The following NKAIN1 variants were observed in gnomAD, a reference collection of about 807,000 sequenced individuals.
NKAIN1 encodes the protein sodium/potassium-transporting ATPase subunit beta-1-interacting protein 1.
A neutral mutation model predicts 31.6 loss-of-function variants in NKAIN1; 13 were observed. The ratio of observed to expected loss-of-function variants is 0.41; its 90% CI spans 0.27 to 0.65. The LOEUF is 0.65. NKAIN1 is among the 30% of genes least tolerant of loss of function. The probability of loss-of-function intolerance (pLI) is 0.30; values close to 1 mark genes in which losing one functional copy is unlikely to be tolerated. For missense variants in NKAIN1, 193 were observed against 262.2 expected (o/e 0.74, Z 1.82); for synonymous variants, 104 against 109.0 (o/e 0.95, Z 0.28).
chr1:31,228,229 G>C (rs1162230187), intron 1 of NKAIN1, among the ~76,000 whole-genome samples: 1 of 152,132 alleles, frequency 6.6e-6, no homozygotes, highest in Non-Finnish European at 1.5e-5. Context: ...GTTCAGGCTG[G>C]GGCTGTGGAA....
At chr1:31,236,127 G>T (rs1645690692) in intron 1 of NKAIN1, among the ~76,000 whole-genome samples, 1 of 152,122 alleles carries the variant, frequency 6.6e-6, no homozygotes, top group African/African-American at 2.4e-5. Flanking sequence ...GTGGCTCAGA[G>T]ACGGTAAGCA....
intron 1 of NKAIN1, among the ~76,000 whole-genome samples, chr1:31,193,135 C>T (rs1645299361): frequency 6.6e-6 from 1 of 150,876 alleles, no homozygotes; most frequent in African/African-American, 2.4e-5. Context: ...GTGGCGTGAT[C>T]TCGGCTCACT....
chr1:31,200,455 TC>T (rs1645371211), intron 1 of NKAIN1, among the ~76,000 whole-genome samples: 1 of 103,298 alleles, frequency 9.7e-6, no homozygotes, highest in African/African-American at 3.1e-5. Flanking sequence ...AAGTCTCCTC[TC>T]TCTTTTTTTT....
intron 1 of NKAIN1, among the ~76,000 whole-genome samples, chr1:31,230,628 G>A (rs917596107): frequency 6.6e-6 from 1 of 152,216 alleles, no homozygotes; most frequent in African/African-American, 2.4e-5. Flanking sequence ...GGCAGGGAAA[G>A]CCAGGCAAAG....
intron 5 of NKAIN1, among the ~76,000 whole-genome samples, chr1:31,182,198 T>C (rs1645207797): frequency 6.6e-6 from 1 of 151,672 alleles, no homozygotes; most frequent in Non-Finnish European, 1.5e-5. Flanking sequence ...CCCCAGTCCT[T>C]AAGGCTTGGG....
At chr1:31,234,600 A>G (rs1000349649) in intron 1 of NKAIN1, among the ~76,000 whole-genome samples, 3 of 152,052 alleles carry the variant, frequency 2.0e-5, no homozygotes, top group African/African-American at 7.2e-5. Context: ...CTCTTTTACA[A>G]AGGAAGAAAC....
chr1:31,196,036 C>A (rs1245360154), intron 1 of NKAIN1, among the ~76,000 whole-genome samples: 1 of 152,108 alleles, frequency 6.6e-6, no homozygotes, highest in African/African-American at 2.4e-5. Flanking sequence ...TCTGCTTGGC[C>A]ACTGAAACAG....
At chr1:31,232,424 T>TATATATATATATAG (rs1313157898) in intron 1 of NKAIN1, among the ~76,000 whole-genome samples, 12 of 16,920 alleles carry the variant, frequency 7.1e-4, no homozygotes, top group Non-Finnish European at 1.3e-3. Context: ...TATATATATA[T>TATATATATATATAG]AGAGAGAGAG....
chr1:31,230,878 A>AT (rs35096054), intron 1 of NKAIN1, among the ~76,000 whole-genome samples: 16 of 79,266 alleles, frequency 2.0e-4, no homozygotes, highest in East Asian at 6.8e-4. Context: ...TCTTTGGGTT[A>AT]TTTTTTTTTT....
intron 1 of NKAIN1, among the ~76,000 whole-genome samples, chr1:31,206,931 C>T (rs574193371): frequency 1.2e-4 from 18 of 152,100 alleles, no homozygotes; most frequent in Non-Finnish European, 1.8e-4. Context: ...GATGGGGTTT[C>T]GCCGTGTTGG....
chr1:31,202,448 T>G (rs138793575), intron 1 of NKAIN1, among the ~76,000 whole-genome samples: 1 of 151,780 alleles, frequency 6.6e-6, no homozygotes, highest in Non-Finnish European at 1.5e-5. Context: ...GAGGCCGAGG[T>G]GGGCGGATCA....
chr1:31,232,395 T>TAA (rs1645656606), intron 1 of NKAIN1, among the ~76,000 whole-genome samples: 1 of 12,550 alleles, frequency 8.0e-5, no homozygotes, highest in African/African-American at 1.7e-4. Context: ...CTGGCCTACT[T>TAA]CATATATATA....
rs183594774 is a variant in NKAIN1, at chr1:31,224,795, G to T, written c.54+14699C>A. Among the ~76,000 whole-genome samples the T allele has an allele frequency of 3.9e-3, 601 of 152,272 alleles. 3 individuals are homozygous for T. Among genetic ancestry groups the T allele is most frequent in the African/African-American group, 0.013 (561 of 41,556 alleles). ...GGAGGTGACAGTCAACCAAATGTGG[G>T]TTCCTCCCGCCTCTTCCCTAGTGCC... On this transcript the variant is annotated intron_variant, in intron 1 of 6. Coordinates refer to ENST00000373736, the MANE Select transcript of NKAIN1 (RefSeq NM_024522.3).
intron 1 of NKAIN1, among the ~76,000 whole-genome samples, chr1:31,188,884 G>A (rs1049280325): frequency 3.9e-5 from 6 of 152,032 alleles, no homozygotes; most frequent in Admixed American, 1.3e-4. Context: ...GTGGTGGTGC[G>A]CACCTGTAGT....
intron 1 of NKAIN1, among the ~76,000 whole-genome samples, chr1:31,206,661 T>C (rs1184092749): frequency 1.3e-5 from 2 of 152,146 alleles, no homozygotes; most frequent in African/African-American, 2.4e-5. Context: ...GGTCTCAAAC[T>C]CTTGAGCTCC....
At chr1:31,211,378 A>G (rs1420964166) in intron 1 of NKAIN1, among the ~76,000 whole-genome samples, 1 of 152,254 alleles carries the variant, frequency 6.6e-6, no homozygotes, top group Non-Finnish European at 1.5e-5. Context: ...CAATCTAAAC[A>G]TAAAATTAAC....
At chr1:31,182,040 C>A in intron 5 of NKAIN1, 99 bp from the exon 6 acceptor site, 1 of 1,212,714 alleles carries the variant, frequency 8.2e-7, no homozygotes, top group Non-Finnish European at 1.2e-6. Flanking sequence ...GGACTCCCAC[C>A]CTAGGAAGCG....
chr1:31,190,148 T>C (rs1032189151), intron 1 of NKAIN1, among the ~76,000 whole-genome samples: 11 of 152,060 alleles, frequency 7.2e-5, no homozygotes, highest in African/African-American at 1.9e-4. Context: ...AGTGAGAAGA[T>C]ATAAGAAGCC....
At chr1:31,195,480 C>A (rs1431155821) in intron 1 of NKAIN1, among the ~76,000 whole-genome samples, 1 of 152,076 alleles carries the variant, frequency 6.6e-6, no homozygotes, top group Non-Finnish European at 1.5e-5. Flanking sequence ...CTGGCCCCCG[C>A]CACCTGCACT....
Sources: gnomAD v4.1 joint callset for allele counts (sites outside exome capture counted in the v4.1 genomes callset) on GRCh38, gnomAD v4.1.1 for gene constraint, MANE v1.5 for transcripts, NCBI Gene and HGNC (gene_info 2026-07-23, HGNC 2026-07-21) for gene names.